FYN: variants seen among roughly 807,000 people sequenced by gnomAD.
FYN encodes the protein FYN proto-oncogene, Src family tyrosine kinase, also known as tyrosine-protein kinase Fyn.
A neutral mutation model predicts 70.2 loss-of-function variants in FYN; 10 were observed. The observed-to-expected ratio is 0.14, with a 90% confidence interval of 0.09 to 0.24. The LOEUF (loss-of-function observed/expected upper bound fraction) is 0.24, where lower values mean the gene tolerates loss of function less well. FYN is among the 10% of genes least tolerant of loss of function. The probability of loss-of-function intolerance (pLI) is 1.00; values close to 1 mark genes in which losing one functional copy is unlikely to be tolerated. For synonymous variants in FYN, 236 were observed against 248.6 expected, an observed-to-expected ratio of 0.95 and a Z score of 0.48; for missense variants, 319 against 673.1, an observed-to-expected ratio of 0.47 and a Z score of 5.82.
At chr6:111,669,462 A>G (rs1156298542) in intron 13 of FYN, among the ~76,000 whole-genome samples, 1 of 150,476 alleles carries the variant, frequency 6.6e-6, no homozygotes, top group African/African-American at 2.5e-5. Flanking sequence ...AAAAAAAAAG[A>G]AAGTGTTCCT....
chr6:111,668,652 C>T (rs1412110497), intron 13 of FYN, among the ~76,000 whole-genome samples: 1 of 152,104 alleles, frequency 6.6e-6, no homozygotes, highest in Non-Finnish European at 1.5e-5. Flanking sequence ...CACACGCATT[C>T]TCCCCTGGTC....
chr6:111,703,890 G>T, intron 7 of FYN, 109 bp downstream of exon 7: 1 of 794,086 alleles, frequency 1.3e-6, no homozygotes, highest in Non-Finnish European at 2.1e-6. Context: ...AAGGCAGGGA[G>T]GGTATGTGCC....
intron 13 of FYN, among the ~76,000 whole-genome samples, chr6:111,664,999 G>A (rs114776791): frequency 1.3e-5 from 2 of 152,132 alleles, no homozygotes; most frequent in Non-Finnish European, 2.9e-5. Context: ...CAACAATAAC[G>A]GTGGCAATCA....
intron 9 of FYN, among the ~76,000 whole-genome samples, chr6:111,699,108 A>G (rs1402634355): frequency 1.3e-5 from 2 of 152,124 alleles, no homozygotes; most frequent in African/African-American, 4.8e-5. Context: ...TATCATTCCA[A>G]TTTTACAGAT....
intron 1 of FYN, among the ~76,000 whole-genome samples, chr6:111,864,956 T>A (rs1247196725): frequency 1.3e-5 from 2 of 152,184 alleles, no homozygotes; most frequent in African/African-American, 4.8e-5. Context: ...ACCTAACACA[T>A]GCCTCCGAGT....
At chr6:111,686,854 G>C (rs896608863) in intron 12 of FYN, among the ~76,000 whole-genome samples, 2 of 152,168 alleles carry the variant, frequency 1.3e-5, no homozygotes, top group African/African-American at 4.8e-5. Context: ...TTCTGCAGGA[G>C]CCCTTGAGCT....
At chr6:111,800,963 T>C (rs1161353737) in intron 2 of FYN, among the ~76,000 whole-genome samples, 1 of 152,210 alleles carries the variant, frequency 6.6e-6, no homozygotes, top group Non-Finnish European at 1.5e-5. Flanking sequence ...TAATCACTAT[T>C]TGCTCGTTCA....
chr6:111,726,771 T>G (rs915676366), intron 3 of FYN, among the ~76,000 whole-genome samples: 1 of 152,202 alleles, frequency 6.6e-6, no homozygotes, highest in African/African-American at 2.4e-5. Context: ...ATAATCTCCA[T>G]GTGTCAAGGG....
intron 2 of FYN, among the ~76,000 whole-genome samples, chr6:111,825,851 T>C (rs1391367561): frequency 3.9e-5 from 6 of 152,204 alleles, no homozygotes; most frequent in Non-Finnish European, 7.3e-5. Context: ...TGTAATTCTA[T>C]ATCCCTCTAT....
At chr6:111,858,645 T>A (rs2114512716) in intron 1 of FYN, among the ~76,000 whole-genome samples, 1 of 152,274 alleles carries the variant, frequency 6.6e-6, no homozygotes, top group African/African-American at 2.4e-5. Flanking sequence ...CTGAACAATG[T>A]CTTCTTTGTC....
intron 2 of FYN, among the ~76,000 whole-genome samples, chr6:111,837,650 TC>T (rs1773230013): frequency 6.6e-6 from 1 of 152,190 alleles, no homozygotes; most frequent in Admixed American, 6.5e-5. Context: ...TTCATCTAAC[TC>T]CTGTTGGGGA....
At chr6:111,808,979 G>GTA (rs1278640072) in intron 2 of FYN, among the ~76,000 whole-genome samples, 1 of 152,122 alleles carries the variant, frequency 6.6e-6, no homozygotes, top group Non-Finnish European at 1.5e-5. Flanking sequence ...GTTAAACTCG[G>GTA]TAAGTGTTTA....
intron 8 of FYN, 49 bp from the exon 9 acceptor site, chr6:111,700,317 T>C (rs1326933824): frequency 1.9e-6 from 3 of 1,592,422 alleles, no homozygotes; most frequent in Non-Finnish European, 2.6e-6. Context: ...GCAGAACACA[T>C]GTAATGACAA....
chr6:111,811,749 C>T (rs76823111), intron 2 of FYN, among the ~76,000 whole-genome samples: 6,327 of 152,198 alleles, frequency 0.042, 166 homozygotes, highest in East Asian at 0.14. Context: ...CTAATTAGAT[C>T]GTTCTGCCAG....
Position 111,784,749 on chromosome 6 carries a change from T to C in FYN, c.-81-4114A>G, listed in dbSNP as rs756682716. Among the ~76,000 whole-genome samples, 79 of 152,310 alleles carry C rather than the reference T, an allele frequency of 5.2e-4. 1 individual carries two copies. Among genetic ancestry groups the C allele is most frequent in the Non-Finnish European group, 7.8e-4 (53 of 68,024 alleles). On this transcript the variant is annotated intron_variant, in intron 2 of 13. Transcript: ENST00000354650. ...GCTTGAGGCTCTCCAAATCTGTTTCTGGATCTGCTCCAATTACTTGGGGAA... is the reference window on the plus strand; with the variant it reads ...GCTTGAGGCTCTCCAAATCTGTTTCCGGATCTGCTCCAATTACTTGGGGAA...
chr6:111,686,979 C>T (rs1228410166), intron 12 of FYN, among the ~76,000 whole-genome samples: 2 of 152,234 alleles, frequency 1.3e-5, no homozygotes, highest in Non-Finnish European at 1.5e-5. Context: ...AAACAGGGAT[C>T]CACTTCTTCC....
chr6:111,714,749 A>T (rs1800541994), intron 4 of FYN, among the ~76,000 whole-genome samples: 1 of 152,234 alleles, frequency 6.6e-6, no homozygotes. Flanking sequence ...ACAAAAGGGC[A>T]GCGTCAGCGT....
intron 7 of FYN, 113 bp from the exon 8 acceptor site, chr6:111,703,147 T>C (rs1799919829): frequency 8.0e-6 from 7 of 880,204 alleles, no homozygotes; most frequent in Admixed American, 4.4e-5. Context: ...CACACACATG[T>C]ACACACACAC....
At position 111,661,962 on chromosome 6, in the gene FYN, G is replaced by A. The variant is rs764259260; in HGVS notation, c.1406-15C>T. The A allele has an allele frequency of 2.9e-5, 46 of 1,586,704 alleles. No individual in the cohort carries two copies. The highest frequency in any genetic ancestry group is 9.0e-5 in the East Asian group (4 of 44,576). ...GTTGTTCATGCCTGCAAAGACAAGCGCAGTGAGAGTGGGCACCCCGGGGAT... is the reference window on the plus strand; with the variant it reads ...GTTGTTCATGCCTGCAAAGACAAGCACAGTGAGAGTGGGCACCCCGGGGAT... On this transcript the variant is annotated splice_polypyrimidine_tract_variant and intron_variant, in intron 13 of 13. Transcript: ENST00000354650. The surrounding 1 kb of genome is among the most constrained non-coding windows in gnomAD (Gnocchi z 4.0).
Sources: allele counts gnomAD v4.1 joint callset (sites outside exome capture counted in the v4.1 genomes callset), GRCh38; gene constraint gnomAD v4.1.1; non-coding constraint Gnocchi (gnomAD v3.1); transcripts MANE v1.5; gene names NCBI Gene and HGNC (gene_info 2026-07-23, HGNC 2026-07-21).